Variants in THUMPD2 observed in about 807,000 individuals in gnomAD.
THUMPD2 encodes U6 snRNA (guanine-N(2))-methyltransferase THUMPD2.
Under a neutral mutation model 49.4 loss-of-function variants are expected in THUMPD2, and 56 were observed. The observed-to-expected ratio is 1.13, with a 90% CI of 0.91 to 1.41. THUMPD2 has a LOEUF of 1.41. Among genes scored for constraint, THUMPD2 ranks in the 40% most tolerant of loss-of-function variants. The pLI is 0.00. For synonymous variants in THUMPD2, 237 were observed against 205.2 expected (o/e 1.15, Z -1.32); for missense variants, 709 against 594.5 (o/e 1.19, Z -2.00).
At chr2:39,759,911 C>A (rs995299924) in intron 6 of THUMPD2, among the ~76,000 whole-genome samples, 1 of 152,154 alleles carries the variant, frequency 6.6e-6, no homozygotes, top group Non-Finnish European at 1.5e-5. Context: ...TAAGACAAGA[C>A]TTTACCCAAG....
chr2:39,770,568 C>T (rs1416451539), intron 2 of THUMPD2, among the ~76,000 whole-genome samples: 3 of 152,078 alleles, frequency 2.0e-5, no homozygotes, highest in Non-Finnish European at 4.4e-5. Flanking sequence ...TTAGCCCACA[C>T]CATATTAATA....
Position 39,747,020 on chromosome 2 carries a change from T to C in THUMPD2, c.1079-2542A>G, listed in dbSNP as rs536976559. Among the ~76,000 whole-genome samples the C allele has an allele frequency of 3.3e-5, 5 of 152,328 alleles. No individual in the cohort carries two copies. In the East Asian group the frequency reaches 9.6e-4, roughly 29 times the overall value. ...AATCATTTTGCCTTGATTTTCTCCA[T>C]TTCTCAGCCAATTAATCTCTTAATG... On this transcript the variant is annotated intron_variant, in intron 8 of 9. Transcript: ENST00000505747.
At chr2:39,762,215 T>C (rs997976) in intron 5 of THUMPD2, among the ~76,000 whole-genome samples, 74,709 of 151,996 alleles carry the variant, frequency 0.49, 18,829 homozygotes, top group East Asian at 0.76. Context: ...AGAATTTGTG[T>C]GGGTTTGTCT....
rs141304117 is a variant in THUMPD2, at chr2:39,769,812, C to A, written c.570G>T (p.Gln190His). 4 of 1,611,554 alleles carry A rather than the reference C, an allele frequency of 2.5e-6. No individual in the cohort carries two copies. The highest frequency in any genetic ancestry group is 1.3e-5 in the African/African-American group (1 of 74,440). Residue 190 changes from glutamine to histidine, a missense_variant, in exon 3 of 10, where the codon CAG becomes CAT. Physicochemically the swap from Gln to His is conservative, Grantham distance 24. Coordinates refer to ENST00000505747, the MANE Select transcript of THUMPD2 (RefSeq NM_025264.5). ...KSEKFQEEEF[Q>H]NDIEKAIDTH... ...TATCAATTGCTTTCTCTATGTCATTCTGAAATTCTTCTTCTTGAAACTTTT... is the reference window on the plus strand; with the variant it reads ...TATCAATTGCTTTCTCTATGTCATTATGAAATTCTTCTTCTTGAAACTTTT...
rs578006539 is a variant in THUMPD2 at position 39,761,338 on chromosome 2, T to C, written c.884A>G (p.Asp295Gly). ...TIAWAMASLA[D>G]IKAGAFVLDP... ...GGAAAACATTTTTCTTACCTTAATG[T>C]CAGCCAGAGATGCCATTGCCCACGC... The change falls in exon 6 of 10, where the codon GAC becomes GGC. Residue 295 changes from aspartate to glycine, a missense_variant. Coordinates refer to ENST00000505747, the MANE Select transcript of THUMPD2 (RefSeq NM_025264.5). 6.2e-7 allele frequency: 1 copy of C among 1,613,778 alleles called. No homozygotes were observed. Among genetic ancestry groups the C allele is most frequent in the Admixed American group, 1.7e-5 (1 of 60,012 alleles).
intron 5 of THUMPD2, among the ~76,000 whole-genome samples, chr2:39,763,075 T>C (rs1677033415): frequency 6.6e-6 from 1 of 152,046 alleles, no homozygotes; most frequent in Admixed American, 6.5e-5. Context: ...ATAAACTCCT[T>C]GAAAATAAAA....
Position 39,754,383 on chromosome 2 carries a change from G to A in THUMPD2, c.1078+912C>T, listed in dbSNP as rs77135194. 2.1e-4 allele frequency among the ~76,000 whole-genome samples: 32 copies of A among 152,090 alleles called. 2 individuals are homozygous for A. The East Asian group carries it at 6.2e-3, about 29-fold the overall frequency. Reference sequence around the variant, plus strand: ...AATCAACAAGACAATTTCTTCTTTGGGGATGCTTTATTATGCTTTTATGCA... The same window carrying A: ...AATCAACAAGACAATTTCTTCTTTGAGGATGCTTTATTATGCTTTTATGCA... On this transcript the variant is annotated intron_variant, in intron 8 of 9. Coordinates refer to ENST00000505747, the MANE Select transcript of THUMPD2 (RefSeq NM_025264.5).
At chr2:39,737,980 T>A (rs1333486313) in intron 9 of THUMPD2, among the ~76,000 whole-genome samples, 2 of 151,892 alleles carry the variant, frequency 1.3e-5, no homozygotes, top group African/African-American at 4.8e-5. Flanking sequence ...AACACATAAG[T>A]GCGGATTCCA....
intron 4 of THUMPD2, 143 bp downstream of exon 4, chr2:39,768,281 C>T (rs563617388): frequency 1.4e-6 from 1 of 693,518 alleles, no homozygotes. Flanking sequence ...TATTCTACTG[C>T]TAAAGATAAA....
At chr2:39,769,138 G>A (rs1236455552) in intron 3 of THUMPD2, 1 of 1,271,462 alleles carries the variant, frequency 7.9e-7, no homozygotes, top group African/African-American at 1.5e-5. Context: ...GAACTGAAGA[G>A]AAACCCCAAA....
intron 8 of THUMPD2, among the ~76,000 whole-genome samples, chr2:39,751,844 A>G (rs1675450818): frequency 6.6e-6 from 1 of 151,676 alleles, no homozygotes; most frequent in African/African-American, 2.4e-5. Context: ...CGCCTGGCTA[A>G]TTTTTTTTGT....
chr2:39,750,598 T>C (rs777226255), intron 8 of THUMPD2, among the ~76,000 whole-genome samples: 4 of 152,110 alleles, frequency 2.6e-5, no homozygotes, highest in African/African-American at 9.7e-5. Context: ...TCCCAGCTAC[T>C]TGGGAGGCTG....
chr2:39,779,260 G>C, upstream of THUMPD2: 5 of 1,473,988 alleles, frequency 3.4e-6, no homozygotes, highest in Non-Finnish European at 4.5e-6. Context: ...GCGCGCCCTC[G>C]CGCCTTCGGG....
intron 9 of THUMPD2, among the ~76,000 whole-genome samples, chr2:39,738,602 A>AAAAAC (rs1673460300): frequency 7.4e-6 from 1 of 134,998 alleles, no homozygotes; most frequent in African/African-American, 3.4e-5. Flanking sequence ...CATATGTAAA[A>AAAAAC]ATATATATAT....
intron 9 of THUMPD2, among the ~76,000 whole-genome samples, chr2:39,742,521 C>T (rs1252638961): frequency 6.6e-6 from 1 of 152,180 alleles, no homozygotes; most frequent in African/African-American, 2.4e-5. Context: ...ATACTGCCCT[C>T]CACTGACTTG....
At chr2:39,743,101 G>C (rs2058621) in intron 9 of THUMPD2, among the ~76,000 whole-genome samples, 8,278 of 152,216 alleles carry the variant, frequency 0.054, 374 homozygotes, top group African/African-American at 0.12. Flanking sequence ...TAAGTGTCAA[G>C]ATTTAATTTT....
At chr2:39,746,310 C>G (rs963104488) in intron 8 of THUMPD2, among the ~76,000 whole-genome samples, 2 of 152,134 alleles carry the variant, frequency 1.3e-5, no homozygotes, top group African/African-American at 4.8e-5. Context: ...AGCAGTGGTT[C>G]TCAAAGTGTG....
In THUMPD2 at chr2:39,766,351, G is replaced by A. The variant is rs118172557; in HGVS notation, c.751-242C>T. ...TCAATTTATTATATAGGAGAGTCAT[G>A]TTACAAAGAACTCAAAACCAACTTT... On this transcript the variant is annotated intron_variant, in intron 4 of 9. Coordinates refer to ENST00000505747, the MANE Select transcript of THUMPD2 (RefSeq NM_025264.5). The A allele has an allele frequency of 2.4e-3, 720 of 298,840 alleles. 22 individuals are homozygous for A. The East Asian group carries it at 0.042, about 17-fold the overall frequency. The allele number at this position is 298,840 out of a possible 1,614,324, so 18.5% of individuals were successfully genotyped here. A position where few individuals can be genotyped will look rare whatever the true frequency, so the allele number is the denominator to read the frequency against.
intron 8 of THUMPD2, among the ~76,000 whole-genome samples, chr2:39,745,010 AATT>A (rs1674381661): frequency 1.3e-5 from 2 of 152,096 alleles, no homozygotes; most frequent in African/African-American, 2.4e-5. Context: ...TATCACTAAA[AATT>A]ATTGTGTCTG....
Sources: allele counts gnomAD v4.1 joint callset (sites outside exome capture counted in the v4.1 genomes callset), GRCh38; gene constraint gnomAD v4.1.1; transcripts MANE v1.5; gene names NCBI Gene and HGNC (gene_info 2026-07-23, HGNC 2026-07-21).